PRDM16: variants seen among roughly 807,000 people sequenced by gnomAD.
PRDM16 encodes histone-lysine N-methyltransferase PRDM16.
PRDM16 carries 23 observed loss-of-function variants against 110.6 expected under a neutral mutation model. The observed-to-expected ratio is 0.21, with a 90% CI of 0.15 to 0.29. The LOEUF (loss-of-function observed/expected upper bound fraction) is 0.29, where lower values mean the gene tolerates loss of function less well. Among genes scored for constraint, PRDM16 ranks in the 10% least tolerant of loss-of-function variants. PRDM16 has a pLI of 1.00. For missense variants in PRDM16, 1,615 were observed against 1,794.3 expected (o/e 0.90, Z 1.81); for synonymous variants, 799 against 781.8 (o/e 1.02, Z -0.37).
rs79789036 is a variant in PRDM16, at chr1:3,349,175, C to T, written c.439-35977C>T. ...AGCCTCGCCCTGCCCCACCTCCGTCCGCATAGTGCCCATGGCCAGGCTGTC... is the reference window on the plus strand; with the variant it reads ...AGCCTCGCCCTGCCCCACCTCCGTCTGCATAGTGCCCATGGCCAGGCTGTC... On this transcript the variant is annotated intron_variant, in intron 3 of 16. Coordinates refer to ENST00000270722, the MANE Select transcript of PRDM16 (RefSeq NM_022114.4). Among the ~76,000 whole-genome samples the T allele has an allele frequency of 3.6e-3, 546 of 152,342 alleles. 1 individual carries two copies. The highest frequency in any genetic ancestry group is 0.014 in the Middle Eastern group (4 of 294).
intron 3 of PRDM16, among the ~76,000 whole-genome samples, chr1:3,319,474 C>T (rs923896782): frequency 2.6e-5 from 4 of 152,092 alleles, no homozygotes; most frequent in Non-Finnish European, 4.4e-5. Flanking sequence ...CCTCCTGGTC[C>T]GGTAGAGCTG....
intron 2 of PRDM16, among the ~76,000 whole-genome samples, chr1:3,211,239 C>G (rs2100844822): frequency 6.6e-6 from 1 of 152,326 alleles, no homozygotes; most frequent in African/African-American, 2.4e-5. Context: ...CGGTCAGCAG[C>G]CACCCTGCCC....
At chr1:3,267,624 G>A (rs532016204) in intron 3 of PRDM16, among the ~76,000 whole-genome samples, 9 of 152,182 alleles carry the variant, frequency 5.9e-5, no homozygotes, top group African/African-American at 1.7e-4. Flanking sequence ...GCCTGTGTTC[G>A]TTTGACTCAG....
chr1:3,210,872 T>A (rs1638868569), intron 2 of PRDM16, among the ~76,000 whole-genome samples: 1 of 151,574 alleles, frequency 6.6e-6, no homozygotes, highest in Non-Finnish European at 1.5e-5. Context: ...TCTGTTCATA[T>A]ATCTATTAGG....
At chr1:3,383,918 C>G (rs1305876348) in intron 3 of PRDM16, among the ~76,000 whole-genome samples, 1 of 151,718 alleles carries the variant, frequency 6.6e-6, no homozygotes, top group Non-Finnish European at 1.5e-5. Context: ...TGCAGAAGGA[C>G]ACACCTGCCC....
At chr1:3,422,538 T>C (rs1247050980) in intron 12 of PRDM16, among the ~76,000 whole-genome samples, 1 of 152,206 alleles carries the variant, frequency 6.6e-6, no homozygotes, top group African/African-American at 2.4e-5. Context: ...GTGTGTCCTT[T>C]CTCAGCAGTC....
At chr1:3,083,384 G>A (rs1012406143) in intron 1 of PRDM16, among the ~76,000 whole-genome samples, 2 of 152,228 alleles carry the variant, frequency 1.3e-5, no homozygotes, top group African/African-American at 2.4e-5. Context: ...TGGCGCTGGC[G>A]GGGCCTGCTG....
intron 3 of PRDM16, among the ~76,000 whole-genome samples, chr1:3,277,243 C>T (rs1640606963): frequency 6.6e-6 from 1 of 152,218 alleles, no homozygotes; most frequent in Non-Finnish European, 1.5e-5. Flanking sequence ...CCTCTCTGTG[C>T]ACGGCTGGAT....
intron 12 of PRDM16, among the ~76,000 whole-genome samples, chr1:3,419,675 T>A (rs1638375705): frequency 6.6e-6 from 1 of 152,104 alleles, no homozygotes; most frequent in Non-Finnish European, 1.5e-5. Context: ...ATTTCTGTCC[T>A]CTGGCCACAC....
intron 1 of PRDM16, among the ~76,000 whole-genome samples, chr1:3,154,969 C>G (rs1416251575): frequency 6.6e-6 from 1 of 152,236 alleles, no homozygotes; most frequent in Non-Finnish European, 1.5e-5. Context: ...GAACCGACCC[C>G]GCCATCCCTG....
chr1:3,423,047 G>T (rs543297007), intron 12 of PRDM16, among the ~76,000 whole-genome samples: 1 of 152,236 alleles, frequency 6.6e-6, no homozygotes, highest in African/African-American at 2.4e-5. Context: ...AGAGGCCAGA[G>T]TGAGCCTGGC....
chr1:3,375,503 G>C (rs555540405), intron 3 of PRDM16, among the ~76,000 whole-genome samples: 15 of 152,366 alleles, frequency 9.8e-5, no homozygotes, highest in Non-Finnish European at 1.8e-4. Context: ...CGAAGGACGA[G>C]CCACATGCCA....
intron 1 of PRDM16, among the ~76,000 whole-genome samples, chr1:3,181,472 ACGCAGTCTTACACACAGCCTTACGCATG>A (rs1644182184): frequency 2.1e-5 from 1 of 46,540 alleles, no homozygotes; most frequent in African/African-American, 4.6e-5. Context: ...GGTCTTACAC[ACGCAGTCTTACACACAGCCTTACGCATG>A]GTCTTACACA....
In PRDM16 at chr1:3,336,783, T is replaced by A. The variant is rs1642165431; in HGVS notation, c.439-48369T>A. ...ATGTGTGTTGGTGTGAATCTGTGTG[T>A]GAATGCATGCATGCACATGTGTGTT... On this transcript the variant is annotated intron_variant, in intron 3 of 16. Coordinates refer to ENST00000270722, the MANE Select transcript of PRDM16 (RefSeq NM_022114.4). Among the ~76,000 whole-genome samples the A allele has an allele frequency of 2.6e-5, 4 of 151,578 alleles. No individual in the cohort carries two copies. In the South Asian group the frequency reaches 8.4e-4, roughly 32 times the overall value.
rs1642034523 is a variant in PRDM16 at position 3,081,752 on chromosome 1, G to GT, written c.37+12456_37+12457insT. Among the ~76,000 whole-genome samples, 1 of 152,078 alleles carries GT rather than the reference G, an allele frequency of 6.6e-6. No individual in the cohort carries two copies. Among genetic ancestry groups the GT allele is most frequent in the African/African-American group, 2.4e-5 (1 of 41,440 alleles). ...GTAGAGCCTGGCCACAGGGCACGTG[G>GT]GAGGCCCCCATGGAAGGCCCGTGTT... On this transcript the variant is annotated intron_variant, in intron 1 of 16. Coordinates refer to ENST00000270722, the MANE Select transcript of PRDM16 (RefSeq NM_022114.4). The surrounding 1 kb of genome is among the most constrained non-coding windows in gnomAD (Gnocchi z 4.6).
chr1:3,087,866 C>T (rs916693958), intron 1 of PRDM16, among the ~76,000 whole-genome samples: 3 of 151,998 alleles, frequency 2.0e-5, no homozygotes, highest in Admixed American at 6.6e-5. Flanking sequence ...GAGGGAGGCA[C>T]GTTTCTGTTT....
chr1:3,305,274 G>T (rs763435423), intron 3 of PRDM16, among the ~76,000 whole-genome samples: 1 of 152,204 alleles, frequency 6.6e-6, no homozygotes, highest in Non-Finnish European at 1.5e-5. Flanking sequence ...CCGCATCTCC[G>T]CAGGCCCCCG....
chr1:3,410,790 C>G (rs1231284392), intron 8 of PRDM16, among the ~76,000 whole-genome samples: 1 of 152,198 alleles, frequency 6.6e-6, no homozygotes, highest in Non-Finnish European at 1.5e-5. Context: ...CCAGCTTGCC[C>G]TGAATCCACT....
chr1:3,331,235 A>G (rs1020124122), intron 3 of PRDM16, among the ~76,000 whole-genome samples: 1 of 152,022 alleles, frequency 6.6e-6, no homozygotes, highest in Admixed American at 6.5e-5. Flanking sequence ...CAACTTCTCC[A>G]CTGCCCCTTC....
Sources: gnomAD v4.1 joint callset for allele counts (sites outside exome capture counted in the v4.1 genomes callset) on GRCh38, gnomAD v4.1.1 for gene constraint, Gnocchi (gnomAD v3.1) non-coding constraint, MANE v1.5 for transcripts, NCBI Gene and HGNC (gene_info 2026-07-23, HGNC 2026-07-21) for gene names.